CSNK1G3: variants seen among roughly 807,000 people sequenced by gnomAD.
CSNK1G3 encodes the protein casein kinase I isoform gamma-3.
Under a neutral mutation model 64.3 loss-of-function variants are expected in CSNK1G3, and 23 were observed. The observed-to-expected ratio is 0.36, with a 90% CI of 0.26 to 0.51. The LOEUF (loss-of-function observed/expected upper bound fraction) is 0.51, where lower values mean the gene tolerates loss of function less well. Among genes scored for constraint, CSNK1G3 ranks in the 20% least tolerant of loss-of-function variants. The pLI is 0.96. For synonymous variants in CSNK1G3, 158 were observed against 162.2 expected (o/e 0.97, Z 0.20); for missense variants, 357 against 510.5 (o/e 0.70, Z 2.90).
At chr5:123,536,610 A>C (rs1780867302) in intron 1 of CSNK1G3, among the ~76,000 whole-genome samples, 1 of 152,082 alleles carries the variant, frequency 6.6e-6, no homozygotes, top group South Asian at 2.1e-4. Flanking sequence ...GCCTATGCTA[A>C]TTACTCTGAT....
intron 12 of CSNK1G3, among the ~76,000 whole-genome samples, chr5:123,610,283 T>C (rs1336832988): frequency 6.6e-6 from 1 of 152,188 alleles, no homozygotes; most frequent in East Asian, 1.9e-4. Context: ...AAATATTCTT[T>C]GTCAAAGAAT....
At chr5:123,547,906 C>G (rs1337400722) in intron 2 of CSNK1G3, among the ~76,000 whole-genome samples, 19 of 152,088 alleles carry the variant, frequency 1.2e-4, no homozygotes, top group Non-Finnish European at 1.5e-5. Context: ...ATTAATCTTT[C>G]TATACCTGGA....
chr5:123,615,720 A>G (rs760735562), exon 13 of CSNK1G3: 1 of 152,240 alleles, frequency 6.6e-6, no homozygotes, highest in Non-Finnish European at 1.5e-5. Context: ...AAAATTTTCA[A>G]GAAGGGTTAA....
intron 1 of CSNK1G3, among the ~76,000 whole-genome samples, chr5:123,518,960 A>G (rs1030607842): frequency 2.6e-5 from 4 of 152,204 alleles, no homozygotes; most frequent in African/African-American, 9.6e-5. Context: ...GGCTTTCTCC[A>G]TGCTGGCCAG....
intron 1 of CSNK1G3, among the ~76,000 whole-genome samples, chr5:123,541,091 A>G (rs1393080898): frequency 6.6e-6 from 1 of 152,226 alleles, no homozygotes; most frequent in East Asian, 1.9e-4. Flanking sequence ...AGTTGATGGT[A>G]TTATCTAGAT....
chr5:123,558,959 A>C (rs1379528786), intron 4 of CSNK1G3, among the ~76,000 whole-genome samples: 2 of 152,158 alleles, frequency 1.3e-5, no homozygotes, highest in African/African-American at 4.8e-5. Flanking sequence ...ATGCCTTATG[A>C]GTATGTGTAA....
intron 7 of CSNK1G3, 67 bp from the exon 8 acceptor site, chr5:123,588,360 C>T (rs1430421561): frequency 1.4e-5 from 18 of 1,277,448 alleles, no homozygotes; most frequent in Admixed American, 1.0e-4. Context: ...TACAGGCTAC[C>T]GTGTGCAGTC....
At chr5:123,584,095 T>C (rs1790864994) in intron 6 of CSNK1G3, among the ~76,000 whole-genome samples, 1 of 152,230 alleles carries the variant, frequency 6.6e-6, no homozygotes, top group Admixed American at 6.5e-5. Context: ...TTTCTACATA[T>C]ACAATCCTGT....
rs144119445 is a variant in CSNK1G3 at position 123,565,879 on chromosome 5, G to T, written c.290-7514G>T. Among the ~76,000 whole-genome samples, 27 of 152,176 alleles carry T rather than the reference G, an allele frequency of 1.8e-4. 1 individual carries two copies. In the East Asian group the frequency reaches 5.2e-3, roughly 29 times the overall value. The stretch of plus-strand genomic sequence containing the variant: ...CATGAGAACAGCACAAACCCATGAG[G>T]GATCTGCCCCATTGACCCAGTTAAC... On this transcript the variant is annotated intron_variant, in intron 4 of 12. Transcript: ENST00000345990.
chr5:123,599,029 C>T (rs892894210), intron 10 of CSNK1G3, among the ~76,000 whole-genome samples: 14 of 152,102 alleles, frequency 9.2e-5, no homozygotes, highest in African/African-American at 3.4e-4. Flanking sequence ...ATCAAGATCC[C>T]CAAAATTAGG....
At chr5:123,565,106 A>G (rs1786577595) in intron 4 of CSNK1G3, among the ~76,000 whole-genome samples, 1 of 152,222 alleles carries the variant, frequency 6.6e-6, no homozygotes, top group African/African-American at 2.4e-5. Context: ...ATACTTTCCA[A>G]AACAGAAAAA....
chr5:123,516,273 G>A (rs1376607154), intron 1 of CSNK1G3, among the ~76,000 whole-genome samples: 1 of 152,140 alleles, frequency 6.6e-6, no homozygotes, highest in Admixed American at 6.5e-5. Flanking sequence ...CTGCAGGACA[G>A]AACTATGCTT....
intron 3 of CSNK1G3, among the ~76,000 whole-genome samples, chr5:123,557,062 T>C (rs1041552298): frequency 6.6e-6 from 1 of 152,108 alleles, no homozygotes; most frequent in Non-Finnish European, 1.5e-5. Context: ...AATTAAGACA[T>C]TGTTGCTACT....
intron 12 of CSNK1G3, among the ~76,000 whole-genome samples, chr5:123,610,225 A>G (rs1407942339): frequency 1.3e-5 from 2 of 152,152 alleles, no homozygotes; most frequent in Admixed American, 6.6e-5. Context: ...CTTTAAATCA[A>G]GAGATCCAGA....
At chr5:123,564,706 AATC>A (rs1271021448) in intron 4 of CSNK1G3, among the ~76,000 whole-genome samples, 4 of 152,184 alleles carry the variant, frequency 2.6e-5, no homozygotes, top group Non-Finnish European at 5.9e-5. Flanking sequence ...GTGTAAATTA[AATC>A]ATCACAGAAA....
intron 12 of CSNK1G3, 115 bp downstream of exon 13, chr5:123,605,477 A>G: frequency 8.9e-7 from 1 of 1,123,736 alleles, no homozygotes. Flanking sequence ...TATAATTGGT[A>G]AAAGTTATTC....
intron 12 of CSNK1G3, among the ~76,000 whole-genome samples, chr5:123,609,336 AAAATGGTTTAAAAATAT>A (rs1174016338): frequency 5.3e-5 from 8 of 152,190 alleles, no homozygotes; most frequent in Admixed American, 2.0e-4. Flanking sequence ...CAGATTGCAG[AAAATGGTTTAAAAATAT>A]AAATTAAGTT....
At chr5:123,565,289 T>C (rs1419146033) in intron 4 of CSNK1G3, among the ~76,000 whole-genome samples, 1 of 152,200 alleles carries the variant, frequency 6.6e-6, no homozygotes, top group African/African-American at 2.4e-5. Context: ...AAAATAATTT[T>C]GATATTACTG....
At chr5:123,550,550 C>T (rs914135879) in intron 2 of CSNK1G3, among the ~76,000 whole-genome samples, 5 of 152,136 alleles carry the variant, frequency 3.3e-5, no homozygotes, top group African/African-American at 9.7e-5. Context: ...ATAGTTGTTT[C>T]TGCTGTAAAC....
Sources: gnomAD v4.1 joint callset for allele counts (sites outside exome capture counted in the v4.1 genomes callset) on GRCh38, gnomAD v4.1.1 for gene constraint, MANE v1.5 for transcripts, NCBI Gene and HGNC (gene_info 2026-07-23, HGNC 2026-07-21) for gene names.